The following CUX1 variants were observed in gnomAD, a reference collection of about 807,000 sequenced individuals.
The protein encoded by CUX1 is cut like homeobox 1, also known as protein CASP.
A neutral mutation model predicts 158.8 loss-of-function variants in CUX1; 31 were observed. The ratio of observed to expected loss-of-function variants is 0.20; its 90% CI spans 0.15 to 0.26. The LOEUF (loss-of-function observed/expected upper bound fraction) is 0.26, where lower values mean the gene tolerates loss of function less well. Ranked by LOEUF, CUX1 falls within the 10% of genes least tolerant of loss-of-function variation. CUX1 has a pLI of 1.00. For synonymous variants in CUX1, 879 were observed against 862.1 expected, an observed-to-expected ratio of 1.02 and a Z score of -0.34; for missense variants, 1,589 against 2,014.6, an observed-to-expected ratio of 0.79 and a Z score of 4.04.
intron 3 of CUX1, among the ~76,000 whole-genome samples, chr7:102,068,361 C>G (rs1036754040): frequency 6.6e-6 from 1 of 152,156 alleles, no homozygotes; most frequent in African/African-American, 2.4e-5. Flanking sequence ...AAGCCATCCT[C>G]CTGTCTCTGG....
chr7:102,221,829 C>G (rs1797835201), intron 20 of CUX1, among the ~76,000 whole-genome samples: 1 of 151,622 alleles, frequency 6.6e-6, no homozygotes, highest in Admixed American at 6.6e-5. Flanking sequence ...ATGGATGGTA[C>G]TGTGCAGTGG....
rs539798303 is a variant in CUX1 at position 102,120,051 on chromosome 7, C to A, written c.674+4778C>A. ...TGGAGGTGGCAGATCCCTGGAATCACGCAGCAGTAGGCAGCCCAGAGAGAG... is the reference window on the plus strand; with the variant it reads ...TGGAGGTGGCAGATCCCTGGAATCAAGCAGCAGTAGGCAGCCCAGAGAGAG... On this transcript the variant is annotated intron_variant, in intron 8 of 23. Transcript: ENST00000292535. 2.0e-5 allele frequency among the ~76,000 whole-genome samples: 3 copies of A among 152,300 alleles called. 1 individual carries two copies. The South Asian group carries it at 6.2e-4, about 32-fold the overall frequency.
At chr7:101,862,347 T>C (rs962736890) in intron 1 of CUX1, among the ~76,000 whole-genome samples, 1 of 152,060 alleles carries the variant, frequency 6.6e-6, no homozygotes, top group Admixed American at 6.5e-5. Flanking sequence ...CCCTAGAATA[T>C]AATACATTGT....
chr7:101,945,293 C>G (rs894976777), intron 2 of CUX1, among the ~76,000 whole-genome samples: 1 of 152,166 alleles, frequency 6.6e-6, no homozygotes, highest in Non-Finnish European at 1.5e-5. Flanking sequence ...CCTCCACTGT[C>G]ATTTAGACAC....
chr7:102,029,716 G>C (rs1820489226), intron 3 of CUX1, among the ~76,000 whole-genome samples: 1 of 152,130 alleles, frequency 6.6e-6, no homozygotes. Flanking sequence ...CACGTAGCTT[G>C]GTCCGGCCAG....
intron 17 of CUX1, among the ~76,000 whole-genome samples, chr7:102,275,865 C>T (rs917447310): frequency 1.3e-5 from 2 of 151,966 alleles, no homozygotes; most frequent in African/African-American, 4.8e-5. Flanking sequence ...AAAAATTAGC[C>T]GGGCATGGTG....
chr7:102,270,486 AC>A (rs1554546026), intron 14 of CUX1, among the ~76,000 whole-genome samples: 1 of 151,406 alleles, frequency 6.6e-6, no homozygotes, highest in Admixed American at 6.6e-5. Context: ...TTCTCTGTCC[AC>A]CCCCCTCTAC....
intron 14 of CUX1, among the ~76,000 whole-genome samples, chr7:102,270,078 C>A (rs1554545940): frequency 7.9e-5 from 12 of 152,352 alleles, no homozygotes. Flanking sequence ...TGTGTCCTCG[C>A]CCCAGAGCCC....
intron 4 of CUX1, among the ~76,000 whole-genome samples, chr7:102,073,100 C>T (rs982192898): frequency 6.8e-6 from 1 of 146,986 alleles, no homozygotes; most frequent in African/African-American, 2.5e-5. Context: ...CTTACTTCAT[C>T]TTTGCCAGAG....
At chr7:102,281,652 G>A (rs1374374937) in intron 20 of CUX1, among the ~76,000 whole-genome samples, 1 of 151,134 alleles carries the variant, frequency 6.6e-6, no homozygotes, top group Admixed American at 6.6e-5. Context: ...GACAGAGGGA[G>A]ACTCTGTCTC....
intron 22 of CUX1, among the ~76,000 whole-genome samples, chr7:102,234,846 C>T (rs1799379892): frequency 6.6e-6 from 1 of 151,786 alleles, no homozygotes; most frequent in Non-Finnish European, 1.5e-5. Context: ...GCACAAGAAT[C>T]GCTTGAACCC....
intron 1 of CUX1, among the ~76,000 whole-genome samples, chr7:101,878,543 A>T (rs1466715188): frequency 2.6e-5 from 4 of 152,248 alleles, no homozygotes; most frequent in African/African-American, 4.8e-5. Context: ...GGCAAAGCTC[A>T]CCTTGATGCA....
chr7:101,896,534 T>G (rs1801539083), intron 1 of CUX1, among the ~76,000 whole-genome samples: 1 of 152,176 alleles, frequency 6.6e-6, no homozygotes, highest in African/African-American at 2.4e-5. Flanking sequence ...AGAACTCGCC[T>G]TTGTCAGCTC....
intron 1 of CUX1, among the ~76,000 whole-genome samples, chr7:101,862,662 A>G (rs1797583953): frequency 1.3e-5 from 2 of 152,116 alleles, no homozygotes; most frequent in Non-Finnish European, 1.5e-5. Flanking sequence ...CGAGGGACAT[A>G]TTAAACCTGG....
intron 2 of CUX1, among the ~76,000 whole-genome samples, chr7:101,998,745 G>A (rs1189385405): frequency 3.3e-5 from 5 of 152,172 alleles, no homozygotes; most frequent in Admixed American, 3.3e-4. Flanking sequence ...CTCTGGCCAG[G>A]GTATAGGATC....
At chr7:101,902,861 C>T (rs780239558) in intron 1 of CUX1, among the ~76,000 whole-genome samples, 1 of 152,192 alleles carries the variant, frequency 6.6e-6, no homozygotes, top group African/African-American at 2.4e-5. Context: ...GCTCTTTCCG[C>T]CTCAGCCTCC....
chr7:102,128,145 G>GCATCTTGA (rs1702711946), intron 8 of CUX1, among the ~76,000 whole-genome samples: 1 of 152,206 alleles, frequency 6.6e-6, no homozygotes, highest in Admixed American at 6.5e-5. Flanking sequence ...GCCGGCTGTG[G>GCATCTTGA]CATCTTGAGG....
Position 102,256,034 on chromosome 7 carries a change from G to A in CUX1, c.*6992G>A, listed in dbSNP as rs1789854832. ...GTTCACTGTAGTTCCGTTTGTTCAT[G>A]AACCGAAGGGAAAACAGGCCTCCCC... is the stretch of plus-strand genomic sequence containing the variant. On this transcript the variant is annotated 3_prime_UTR_variant, in exon 24 of 24. Coordinates refer to ENST00000292535, the MANE Select transcript of CUX1 (RefSeq NM_181552.4). 1 of 985,342 alleles carries A rather than the reference G, an allele frequency of 1.0e-6. No individual in the cohort carries two copies. The highest frequency in any genetic ancestry group is 4.7e-5 in the South Asian group (1 of 21,292). 61.0% of individuals were successfully genotyped at this position (985,342 alleles called of 1,614,324 possible).
chr7:102,252,073 G>A lies in CUX1; in HGVS notation c.*3031G>A. The A allele has an allele frequency of 3.0e-6, 3 of 985,080 alleles. No individual in the cohort carries two copies. Among genetic ancestry groups the A allele is most frequent in the Non-Finnish European group, 3.6e-6 (3 of 829,858 alleles). The allele number at this position is 985,080 out of a possible 1,614,324, so 61.0% of individuals were successfully genotyped here. ...CATCTGGTGCCAGATACAATCAGTT[G>A]GTTAAATTTTGCTTGCAGTTCTGTG... is the stretch of plus-strand genomic sequence containing the variant. On this transcript the variant is annotated 3_prime_UTR_variant, in exon 24 of 24. Coordinates refer to ENST00000292535, the MANE Select transcript of CUX1 (RefSeq NM_181552.4).
Sources: allele counts gnomAD v4.1 joint callset (sites outside exome capture counted in the v4.1 genomes callset), GRCh38; gene constraint gnomAD v4.1.1; transcripts MANE v1.5; gene names NCBI Gene and HGNC (gene_info 2026-07-23, HGNC 2026-07-21).